Variants in PALD1 observed in about 807,000 individuals in gnomAD.
PALD1 encodes paladin.
PALD1 carries 57 observed loss-of-function variants against 96.0 expected under a neutral mutation model. The observed-to-expected ratio is 0.59, with a 90% CI of 0.48 to 0.74. The LOEUF is 0.74. PALD1 is among the 30% of genes least tolerant of loss of function. The pLI is 0.00. For synonymous variants in PALD1, 464 were observed against 473.6 expected (o/e 0.98, Z 0.26); for missense variants, 1,063 against 1,143.7 (o/e 0.93, Z 1.02).
At chr10:70,520,770 C>T (rs2132339762) in intron 1 of PALD1, among the ~76,000 whole-genome samples, 1 of 140,086 alleles carries the variant, frequency 7.1e-6, no homozygotes, top group Non-Finnish European at 1.5e-5. Flanking sequence ...CGGCTCACTG[C>T]AATCTCTGCC....
At chr10:70,508,928 C>T (rs543014526) in intron 1 of PALD1, among the ~76,000 whole-genome samples, 2 of 142,730 alleles carry the variant, frequency 1.4e-5, no homozygotes, top group Non-Finnish European at 3.1e-5. Context: ...GCCCTGGGTA[C>T]AGACCTGGAC....
intron 17 of PALD1, among the ~76,000 whole-genome samples, chr10:70,542,043 A>C (rs1847259795): frequency 6.6e-6 from 1 of 152,140 alleles, no homozygotes; most frequent in African/African-American, 2.4e-5. Context: ...GAGTCGTGGC[A>C]ACGTCCCTCG....
chr10:70,478,293 C>T (rs2132246662), upstream of PALD1, among the ~76,000 whole-genome samples: 1 of 152,324 alleles, frequency 6.6e-6, no homozygotes, highest in South Asian at 2.1e-4. Context: ...CCAGCTCCGG[C>T]CGCACTGCAC....
chr10:70,491,553 A>G (rs569867559), intron 1 of PALD1, among the ~76,000 whole-genome samples: 16 of 152,220 alleles, frequency 1.1e-4, no homozygotes, highest in Non-Finnish European at 2.4e-4. Flanking sequence ...CTGCTTGCTT[A>G]TGAGATGGTT....
At chr10:70,552,597 C>T (rs1261238497) in intron 18 of PALD1, among the ~76,000 whole-genome samples, 7 of 150,482 alleles carry the variant, frequency 4.7e-5, no homozygotes, top group South Asian at 2.1e-4. Context: ...TCAAGCCCTC[C>T]GAGCTCTCAC....
At chr10:70,469,919 G>A in the PALD1 span, among the ~76,000 whole-genome samples, 2 of 151,700 alleles carry the variant, frequency 1.3e-5, no homozygotes, top group East Asian at 1.9e-4. Flanking sequence ...TCAGCCTCCC[G>A]AGTAGCTGGG....
At chr10:70,538,825 A>G (rs547253921) in intron 12 of PALD1, 67 bp from the exon 13 acceptor site, 37 of 1,368,806 alleles carry the variant, frequency 2.7e-5, no homozygotes, top group Non-Finnish European at 3.5e-5. Flanking sequence ...GCCTTGGGCC[A>G]GGTCCTGACC....
At chr10:70,488,139 T>A (rs199615494) in intron 1 of PALD1, among the ~76,000 whole-genome samples, 1 of 142,704 alleles carries the variant, frequency 7.0e-6, no homozygotes, top group East Asian at 2.1e-4. Flanking sequence ...TTTTTTTTTT[T>A]AAGAAGGGCC....
intron 1 of PALD1, among the ~76,000 whole-genome samples, chr10:70,492,907 G>GGTCT (rs1649066556): frequency 6.6e-6 from 1 of 152,192 alleles, no homozygotes; most frequent in South Asian, 2.1e-4. Flanking sequence ...AGGTATTCAT[G>GGTCT]GAGTCTGGAC....
intron 10 of PALD1, 26 bp downstream of exon 10, chr10:70,534,869 A>G (rs1589203226): frequency 1.2e-5 from 17 of 1,444,762 alleles, no homozygotes; most frequent in African/African-American, 2.8e-5. Context: ...ACGTGTGAGC[A>G]CTCTGCTTCT....
chr10:70,541,399 C>A, intron 16 of PALD1, 64 bp from the exon 17 acceptor site: 1 of 1,564,632 alleles, frequency 6.4e-7, no homozygotes, highest in Non-Finnish European at 8.8e-7. Context: ...CCCCCAAGTC[C>A]TCCCCAGCAA....
chr10:70,523,564 T>A (rs549988714), intron 1 of PALD1, among the ~76,000 whole-genome samples: 2 of 152,216 alleles, frequency 1.3e-5, no homozygotes, highest in Admixed American at 1.3e-4. Context: ...CTCCCTCCCC[T>A]CTTTGAGCTG....
At chr10:70,487,222 C>T (rs143164096) in intron 1 of PALD1, among the ~76,000 whole-genome samples, 2,342 of 151,176 alleles carry the variant, frequency 0.015, 33 homozygotes, top group Non-Finnish European at 0.023. Context: ...CAAGCTCCAC[C>T]TCCCAGGTTC....
intron 1 of PALD1, among the ~76,000 whole-genome samples, chr10:70,504,027 A>C (rs193191492): frequency 1.3e-5 from 2 of 152,350 alleles, no homozygotes; most frequent in Admixed American, 1.3e-4. Flanking sequence ...CCCTTGGGGC[A>C]AGTTAACCCG....
chr10:70,494,055 G>A (rs559419545), intron 1 of PALD1, among the ~76,000 whole-genome samples: 8 of 152,098 alleles, frequency 5.3e-5, no homozygotes, highest in Non-Finnish European at 1.0e-4. Context: ...TGTCACAGCC[G>A]CACCGGCTAG....
At chr10:70,529,174 G>A (rs1261252913) in intron 2 of PALD1, 55 bp from the exon 3 acceptor site, 4 of 676,164 alleles carry the variant, frequency 5.9e-6, no homozygotes, top group African/African-American at 3.9e-5. Context: ...AGCTGGCCTT[G>A]ACCAAGGAGG....
the PALD1 span, among the ~76,000 whole-genome samples, chr10:70,464,955 ATG>A: frequency 3.6e-5 from 5 of 138,470 alleles, no homozygotes; most frequent in Admixed American, 3.5e-4. Flanking sequence ...GTATGTATGT[ATG>A]TATGTATGTA....
rs182511707 is a variant in PALD1 at position 70,543,020 on chromosome 10, G to A, written c.2121+1486G>A. Among the ~76,000 whole-genome samples the A allele has an allele frequency of 4.5e-3, 666 of 148,002 alleles. 2 individuals carry two copies. Among genetic ancestry groups the A allele is most frequent in the African/African-American group, 0.015 (621 of 40,080 alleles). ...ACTCCTGACCTCAGATGATCCACCC[G>A]CCTCGGCCTCCCAAAGTGCTGGGAG... On this transcript the variant is annotated intron_variant, in intron 17 of 19. Coordinates refer to ENST00000263563, the MANE Select transcript of PALD1 (RefSeq NM_014431.3).
intron 17 of PALD1, among the ~76,000 whole-genome samples, chr10:70,546,365 G>A (rs369533308): frequency 4.6e-4 from 70 of 152,298 alleles, no homozygotes; most frequent in African/African-American, 1.4e-3. Flanking sequence ...AGTCACAGTC[G>A]TGCATTTAAT....
Sources: allele counts gnomAD v4.1 joint callset (sites outside exome capture counted in the v4.1 genomes callset), GRCh38; gene constraint gnomAD v4.1.1; transcripts MANE v1.5; gene names NCBI Gene and HGNC (gene_info 2026-07-23, HGNC 2026-07-21).